KDM7A: variants seen among roughly 807,000 people sequenced by gnomAD.
KDM7A encodes lysine-specific demethylase 7A.
KDM7A carries 28 observed loss-of-function variants against 114.8 expected under a neutral mutation model. The observed-to-expected ratio is 0.24, with a 90% CI of 0.18 to 0.33. The LOEUF is 0.33. Among genes scored for constraint, KDM7A ranks in the 10% least tolerant of loss-of-function variants. The probability of loss-of-function intolerance (pLI) is 1.00; values close to 1 mark genes in which losing one functional copy is unlikely to be tolerated. For synonymous variants in KDM7A, 423 were observed against 397.8 expected, an observed-to-expected ratio of 1.06 and a Z score of -0.75; for missense variants, 942 against 1,142.5, an observed-to-expected ratio of 0.82 and a Z score of 2.53.
chr7:140,148,314 T>A (rs1392841111), intron 1 of KDM7A, among the ~76,000 whole-genome samples: 1 of 152,164 alleles, frequency 6.6e-6, no homozygotes, highest in African/African-American at 2.4e-5. Flanking sequence ...TCAGTCTGCC[T>A]GTGTTAGAAT....
chr7:140,174,624 C>A (rs146256658), intron 1 of KDM7A, among the ~76,000 whole-genome samples: 169 of 151,974 alleles, frequency 1.1e-3, no homozygotes, highest in African/African-American at 3.9e-3. Flanking sequence ...TTTTTTGAGA[C>A]GGAGTCTCAC....
At chr7:140,100,709 CACATATATATAT>C (rs1818199752) in intron 12 of KDM7A, among the ~76,000 whole-genome samples, 2 of 31,794 alleles carry the variant, frequency 6.3e-5, no homozygotes, top group South Asian at 2.4e-3. Flanking sequence ...TATATATATA[CACATATATATAT>C]ATATATATAT....
intron 1 of KDM7A, among the ~76,000 whole-genome samples, chr7:140,141,303 T>A (rs940352049): frequency 6.6e-6 from 1 of 151,962 alleles, no homozygotes; most frequent in Non-Finnish European, 1.5e-5. Context: ...AATATGGAAA[T>A]GTACAGGGCC....
intron 6 of KDM7A, among the ~76,000 whole-genome samples, chr7:140,125,721 C>G (rs1396761613): frequency 6.6e-6 from 1 of 150,752 alleles, no homozygotes; most frequent in Non-Finnish European, 1.5e-5. Flanking sequence ...CATGAGCCAC[C>G]ACACCTGGCT....
rs1167743836 is a variant in KDM7A, at chr7:140,089,343, T to G, written c.*1751A>C. On this transcript the variant is annotated 3_prime_UTR_variant, in exon 20 of 20. Transcript: ENST00000397560. ...CTATTTCATATTTATCCCATGACAT[T>G]TTGGAATGGGGACACAAGAAGTATT... is the stretch of plus-strand genomic sequence containing the variant. The G allele has an allele frequency of 6.6e-6, 1 of 152,180 alleles. No homozygotes were observed. Among genetic ancestry groups the G allele is most frequent in the Non-Finnish European group, 1.5e-5 (1 of 68,028 alleles). 9.4% of individuals were successfully genotyped at this position (152,180 alleles called of 1,614,324 possible). A position where few individuals can be genotyped will look rare whatever the true frequency, so the allele number is the denominator to read the frequency against.
intron 7 of KDM7A, among the ~76,000 whole-genome samples, chr7:140,124,200 C>T (rs1201744846): frequency 1.3e-5 from 2 of 151,980 alleles, no homozygotes; most frequent in African/African-American, 4.8e-5. Flanking sequence ...AAAGTACATT[C>T]GTGGTTGCCA....
At chr7:140,175,813 G>C (rs1794698146) in intron 1 of KDM7A, among the ~76,000 whole-genome samples, 1 of 22,730 alleles carries the variant, frequency 4.4e-5, no homozygotes, top group South Asian at 2.1e-3. Flanking sequence ...ACTCAAGTTC[G>C]CCGGCACCGG....
At position 140,087,156 on chromosome 7, in the gene KDM7A, C is replaced by T. The variant is rs1817941793; in HGVS notation, c.*3938G>A. ...TGTGCATTCTCACCTTTCTAACCAC[C>T]TCATTCTCCCCACAAGTTCCCTGGG... On this transcript the variant is annotated 3_prime_UTR_variant, in exon 20 of 20. Coordinates refer to ENST00000397560, the MANE Select transcript of KDM7A (RefSeq NM_030647.2). The T allele has an allele frequency of 6.6e-6, 1 of 152,160 alleles. No homozygotes were observed. Among genetic ancestry groups the T allele is most frequent in the Non-Finnish European group, 1.5e-5 (1 of 68,040 alleles). 9.4% of individuals were successfully genotyped at this position (152,160 alleles called of 1,614,324 possible).
At position 140,111,136 on chromosome 7, in the gene KDM7A, G is replaced by A; in HGVS notation, c.1387C>T (p.His463Tyr). The A allele has an allele frequency of 2.5e-6, 4 of 1,607,196 alleles. No homozygotes were observed. The highest frequency in any genetic ancestry group is 3.4e-6 in the Non-Finnish European group (4 of 1,174,980). ...ACTTTAGAAAGTTCTTTAATAAGGT[G>A]TCCAGGTCTAACATTGTCTGGAATT... ...FEIPDNVRPG[H>Y]LIKELSKVIR... The change falls in exon 11 of 20, where the codon CAC (histidine) becomes TAC (tyrosine). Residue 463 changes from histidine (H) to tyrosine (Y), a missense_variant. Coordinates refer to ENST00000397560, the MANE Select transcript of KDM7A (RefSeq NM_030647.2).
chr7:140,090,206 T>C lies in KDM7A; in HGVS notation c.*888A>G, dbSNP rs1817996789. On this transcript the variant is annotated 3_prime_UTR_variant, in exon 20 of 20. Coordinates refer to ENST00000397560, the MANE Select transcript of KDM7A (RefSeq NM_030647.2). Reference sequence around the variant, plus strand: ...TGCTCTCTTTGGGACCCAGATATCATCAGCAGAAATGAAAATGCAAAAGCC... The same window carrying C: ...TGCTCTCTTTGGGACCCAGATATCACCAGCAGAAATGAAAATGCAAAAGCC... 6.6e-6 allele frequency: 1 copy of C among 152,126 alleles called. No individual in the cohort carries two copies. Among genetic ancestry groups the C allele is most frequent in the Non-Finnish European group, 1.5e-5 (1 of 68,038 alleles). The allele number at this position is 152,126 out of a possible 1,614,324, so 9.4% of individuals were successfully genotyped here. A position where few individuals can be genotyped will look rare whatever the true frequency, so the allele number is the denominator to read the frequency against.
Position 140,097,349 on chromosome 7 carries a change from A to G in KDM7A, c.2016+196T>C, listed in dbSNP as rs17161400. ...CCCTCTACCCTTTCCAAAATCAGAC[A>G]AAAGCTCTATGTCTCAAATGTGAAT... On this transcript the variant is annotated intron_variant, in intron 15 of 19. Coordinates refer to ENST00000397560, the MANE Select transcript of KDM7A (RefSeq NM_030647.2). Among the ~76,000 whole-genome samples, 712 of 152,354 alleles carry G rather than the reference A, an allele frequency of 4.7e-3. 6 individuals are homozygous for G. Among genetic ancestry groups the G allele is most frequent in the African/African-American group, 0.017 (690 of 41,582 alleles).
rs1273607096 is a variant in KDM7A at position 140,086,833 on chromosome 7, G to T, written c.*4261C>A. 4 of 152,180 alleles carry T rather than the reference G, an allele frequency of 2.6e-5. No homozygotes were observed. The highest frequency in any genetic ancestry group is 9.7e-5 in the African/African-American group (4 of 41,444). 9.4% of individuals were successfully genotyped at this position (152,180 alleles called of 1,614,324 possible). ...TCTGATGATCCAGCTTCCCAAGACT[G>T]CTTTAGAGGAAGGTCTAGGACACCA... is the stretch of plus-strand genomic sequence containing the variant. On this transcript the variant is annotated 3_prime_UTR_variant, in exon 20 of 20. Transcript: ENST00000397560.
intron 1 of KDM7A, among the ~76,000 whole-genome samples, chr7:140,148,876 T>C (rs1446930060): frequency 6.6e-6 from 1 of 152,228 alleles, no homozygotes; most frequent in Non-Finnish European, 1.5e-5. Flanking sequence ...TTTCCACTTT[T>C]GTGAAGATTA....
intron 1 of KDM7A, among the ~76,000 whole-genome samples, chr7:140,160,587 T>C (rs1230660406): frequency 6.6e-6 from 1 of 152,168 alleles, no homozygotes; most frequent in Non-Finnish European, 1.5e-5. Flanking sequence ...CCAAGGTAAA[T>C]CAAGTAGCAG....
intron 1 of KDM7A, among the ~76,000 whole-genome samples, chr7:140,140,227 C>T (rs1794249606): frequency 6.6e-6 from 1 of 152,060 alleles, no homozygotes. Context: ...GGGTCTATCC[C>T]AGGAATACAA....
At position 140,088,433 on chromosome 7, in the gene KDM7A, G is replaced by C. The variant is rs1054701261; in HGVS notation, c.*2661C>G. 1 of 397,982 alleles carries C rather than the reference G, an allele frequency of 2.5e-6. No homozygotes were observed. The highest frequency in any genetic ancestry group is 4.4e-6 in the Non-Finnish European group (1 of 225,652). The allele number at this position is 397,982 out of a possible 1,614,324, so 24.7% of individuals were successfully genotyped here. ...TTCTCAATTTTACATATTTGTATTT[G>C]GTTACAACTAGCTAAATGCTATCAG... On this transcript the variant is annotated 3_prime_UTR_variant, in exon 20 of 20. Coordinates refer to ENST00000397560, the MANE Select transcript of KDM7A (RefSeq NM_030647.2).
chr7:140,127,191 C>T (rs1350907414), intron 5 of KDM7A, among the ~76,000 whole-genome samples: 1 of 152,164 alleles, frequency 6.6e-6, no homozygotes, highest in Non-Finnish European at 1.5e-5. Flanking sequence ...GAACTCCTGG[C>T]CTCAAGCGAT....
chr7:140,112,555 G>A (rs182633890), intron 10 of KDM7A, among the ~76,000 whole-genome samples: 4 of 151,790 alleles, frequency 2.6e-5, no homozygotes, highest in Admixed American at 6.6e-5. Context: ...AGGTTGCAGC[G>A]AGCCGAGATC....
chr7:140,123,535 T>C (rs1818648583), intron 7 of KDM7A, among the ~76,000 whole-genome samples: 1 of 152,200 alleles, frequency 6.6e-6, no homozygotes. Context: ...CACATTTTTT[T>C]TGGATCTTGG....
Sources: gnomAD v4.1 joint callset for allele counts (sites outside exome capture counted in the v4.1 genomes callset) on GRCh38, gnomAD v4.1.1 for gene constraint, MANE v1.5 for transcripts, NCBI Gene and HGNC (gene_info 2026-07-23, HGNC 2026-07-21) for gene names.